The following GIPC2 variants were observed in gnomAD, a reference collection of about 807,000 sequenced individuals.
GIPC2 encodes PDZ domain-containing protein GIPC2.
A neutral mutation model predicts 30.6 loss-of-function variants in GIPC2; 30 were observed. That is an observed-to-expected ratio of 0.98 (90% CI 0.73 to 1.33). GIPC2 has a LOEUF of 1.33. Ranked by LOEUF, GIPC2 falls within the 40% of genes most tolerant of loss-of-function variation. The probability of loss-of-function intolerance (pLI) is 0.00; values close to 1 mark genes in which losing one functional copy is unlikely to be tolerated. For synonymous variants in GIPC2, 167 were observed against 150.0 expected, an observed-to-expected ratio of 1.11 and a Z score of -0.83; for missense variants, 414 against 390.3, an observed-to-expected ratio of 1.06 and a Z score of -0.51.
chr1:78,123,279 G>GGGGA (rs1662718400), intron 4 of GIPC2, among the ~76,000 whole-genome samples: 1 of 134,250 alleles, frequency 7.4e-6, no homozygotes, highest in Non-Finnish European at 1.5e-5. Flanking sequence ...AAAAAAAAAA[G>GGGGA]GGTCAGGAAG....
Position 78,108,873 on chromosome 1 carries a change from T to C in GIPC2, c.608-10520T>C, listed in dbSNP as rs117620588. ...TGGACAGAATTCTTTATCTGTGAGG[T>C]TTCTTTCATTTGGAGACCATGGTAA... is the stretch of plus-strand genomic sequence containing the variant. On this transcript the variant is annotated intron_variant, in intron 3 of 5. Transcript: ENST00000370759. 2.0e-5 allele frequency among the ~76,000 whole-genome samples: 3 copies of C among 152,286 alleles called. No homozygotes were observed. In the East Asian group the frequency reaches 5.8e-4, roughly 29 times the overall value.
chr1:78,053,801 C>T (rs868117544), intron 1 of GIPC2, among the ~76,000 whole-genome samples: 1 of 141,802 alleles, frequency 7.1e-6, no homozygotes, highest in Non-Finnish European at 1.5e-5. Context: ...GGTGGTGGTA[C>T]GTACCTGTAG....
chr1:78,053,107 A>C (rs1661224558), intron 1 of GIPC2, among the ~76,000 whole-genome samples: 1 of 152,206 alleles, frequency 6.6e-6, no homozygotes, highest in Non-Finnish European at 1.5e-5. Flanking sequence ...ATTACTATTG[A>C]GGTCTGAGGA....
chr1:78,071,982 A>G (rs1308418795), intron 1 of GIPC2, among the ~76,000 whole-genome samples: 2 of 152,192 alleles, frequency 1.3e-5, no homozygotes, highest in Non-Finnish European at 2.9e-5. Context: ...CCCCACACAG[A>G]TAATAGTTGT....
chr1:78,122,587 T>A (rs1662702534), intron 4 of GIPC2, among the ~76,000 whole-genome samples: 1 of 152,126 alleles, frequency 6.6e-6, no homozygotes, highest in African/African-American at 2.4e-5. Flanking sequence ...CCATGAGATC[T>A]TGTGAGAACT....
chr1:78,053,292 A>T lies in GIPC2; in HGVS notation c.240+6958A>T, dbSNP rs114826673. Among the ~76,000 whole-genome samples the T allele has an allele frequency of 3.5e-3, 529 of 152,306 alleles. 1 individual carries two copies. The highest frequency in any genetic ancestry group is 0.012 in the African/African-American group (514 of 41,558). Reference sequence around the variant, plus strand: ...TGACTGTGGTAATTTCTCCTACCTTACAGATAGGTTTACTAAGATTCCTGG... The same window carrying T: ...TGACTGTGGTAATTTCTCCTACCTTTCAGATAGGTTTACTAAGATTCCTGG... On this transcript the variant is annotated intron_variant, in intron 1 of 5. Transcript: ENST00000370759.
chr1:78,070,602 G>A (rs1413526646), intron 1 of GIPC2, among the ~76,000 whole-genome samples: 1 of 152,092 alleles, frequency 6.6e-6, no homozygotes, highest in African/African-American at 2.4e-5. Flanking sequence ...TGTCCACAAA[G>A]GCAAGACTTA....
intron 3 of GIPC2, among the ~76,000 whole-genome samples, chr1:78,101,403 C>T (rs1662247096): frequency 6.6e-6 from 1 of 152,158 alleles, no homozygotes; most frequent in African/African-American, 2.4e-5. Flanking sequence ...GTGTTTAGAA[C>T]ACAAAGTAGA....
At chr1:78,051,513 T>A (rs189329298) in intron 1 of GIPC2, among the ~76,000 whole-genome samples, 2,717 of 152,296 alleles carry the variant, frequency 0.018, 64 homozygotes, top group South Asian at 0.11. Flanking sequence ...TTATTCTTTT[T>A]TTTTTGAAAT....
At chr1:78,110,919 A>G (rs1385070122) in intron 3 of GIPC2, among the ~76,000 whole-genome samples, 2 of 152,202 alleles carry the variant, frequency 1.3e-5, no homozygotes, top group African/African-American at 2.4e-5. Flanking sequence ...GAATTTGGCT[A>G]GTGTGAATCA....
In GIPC2 at chr1:78,080,750, T is replaced by G. The variant is rs879429472; in HGVS notation, c.316T>G (p.Phe106Val). 2 of 1,608,952 alleles carry G rather than the reference T, an allele frequency of 1.2e-6. No homozygotes were observed. The highest frequency in any genetic ancestry group is 2.2e-5 in the East Asian group (1 of 44,816). The change falls in exon 2 of 6, where the codon TTC (phenylalanine) becomes GTC (valine). Residue 106 changes from phenylalanine (F) to valine (V), a missense_variant. Phe to Val is a conservative substitution (Grantham distance 50, BLOSUM62 -1). Coordinates refer to ENST00000370759, the MANE Select transcript of GIPC2 (RefSeq NM_017655.6). ...AGGAGGACAACTAGGACTAGAAGAT[T>G]TCATATTTGCCCATGTGAAAGGAAT... ...LLGGQLGLED[F>V]IFAHVKGIEK...
chr1:78,047,318 C>T (rs573597541), intron 1 of GIPC2, among the ~76,000 whole-genome samples: 6 of 152,210 alleles, frequency 3.9e-5, no homozygotes, highest in African/African-American at 1.4e-4. Context: ...TACAGCGGCA[C>T]CTGGAGTTCT....
chr1:78,091,613 G>T (rs1164260840), intron 2 of GIPC2: 4 of 766,894 alleles, frequency 5.2e-6, no homozygotes, highest in Non-Finnish European at 9.8e-6. Context: ...TGCGTTCGTC[G>T]TGTCTGCCAT....
At chr1:78,086,006 G>A (rs1359703659) in intron 2 of GIPC2, among the ~76,000 whole-genome samples, 5 of 149,648 alleles carry the variant, frequency 3.3e-5, no homozygotes, top group Non-Finnish European at 5.9e-5. Flanking sequence ...TCTTAGTTGT[G>A]ATGTTAGGTA....
intron 3 of GIPC2, among the ~76,000 whole-genome samples, chr1:78,103,607 T>C (rs1488067190): frequency 6.6e-6 from 1 of 152,210 alleles, no homozygotes; most frequent in East Asian, 1.9e-4. Flanking sequence ...AGTGTGGGCA[T>C]AGCACTCCAG....
At chr1:78,114,420 T>C (rs1184540897) in intron 3 of GIPC2, among the ~76,000 whole-genome samples, 1 of 152,212 alleles carries the variant, frequency 6.6e-6, no homozygotes, top group Non-Finnish European at 1.5e-5. Flanking sequence ...ACCTGTTTTT[T>C]CCCCTGTGGA....
At chr1:78,078,854 A>AC (rs1553141324) in intron 1 of GIPC2, among the ~76,000 whole-genome samples, 3 of 151,544 alleles carry the variant, frequency 2.0e-5, no homozygotes, top group South Asian at 2.1e-4. Flanking sequence ...AAAAAAAAAA[A>AC]AACAACAAAC....
rs553866901 is a variant in GIPC2 at position 78,046,058 on chromosome 1, G to C, written c.-37G>C. ...GCGCCGGGGGGAGGAGGCGGCGGAC[G>C]GCAGCGCAGGTGGGCCCGCGCTCTC... On this transcript the variant is annotated 5_prime_UTR_variant, in exon 1 of 6. Transcript: ENST00000370759. 81 of 1,401,834 alleles carry C rather than the reference G, an allele frequency of 5.8e-5. No individual in the cohort carries two copies. Among genetic ancestry groups the C allele is most frequent in the Admixed American group, 3.0e-4 (8 of 27,004 alleles). The allele number at this position is 1,401,834 out of a possible 1,614,324, so 86.8% of individuals were successfully genotyped here.
At chr1:78,092,101 G>C (rs1426871839) in intron 2 of GIPC2, 3 of 1,212,636 alleles carry the variant, frequency 2.5e-6, no homozygotes, top group African/African-American at 3.0e-5. Flanking sequence ...TGGGTGGCCT[G>C]TGGTATATGG....
Sources: allele counts gnomAD v4.1 joint callset (sites outside exome capture counted in the v4.1 genomes callset), GRCh38; gene constraint gnomAD v4.1.1; transcripts MANE v1.5; gene names NCBI Gene and HGNC (gene_info 2026-07-23, HGNC 2026-07-21).